FRMD3: variants seen among roughly 807,000 people sequenced by gnomAD.
The protein encoded by FRMD3 is FERM domain-containing protein 3.
A neutral mutation model predicts 70.2 loss-of-function variants in FRMD3; 33 were observed. That is an observed-to-expected ratio of 0.47 (90% confidence interval 0.36 to 0.63). The LOEUF is 0.63. Ranked by LOEUF, FRMD3 falls within the 20% of genes least tolerant of loss-of-function variation. The pLI is 0.00. For synonymous variants in FRMD3, 279 were observed against 255.9 expected (o/e 1.09, Z -0.86); for missense variants, 632 against 711.4 (o/e 0.89, Z 1.27).
rs1376219220 is a variant in FRMD3 at position 83,262,209 on chromosome 9, C to T, written c.1196-13693G>A. 2.0e-5 allele frequency among the ~76,000 whole-genome samples: 3 copies of T among 152,212 alleles called. No homozygotes were observed. In the East Asian group the frequency reaches 5.8e-4, roughly 29 times the overall value. On this transcript the variant is annotated intron_variant, in intron 13 of 13. Transcript: ENST00000304195. ...AGGCAACTGTACATAGGAACATCGACTTCAATACATCCAAACCCAAATGCA... is the reference window on the plus strand; with the variant it reads ...AGGCAACTGTACATAGGAACATCGATTTCAATACATCCAAACCCAAATGCA...
intron 2 of FRMD3, among the ~76,000 whole-genome samples, chr9:83,377,089 T>G (rs1825173315): frequency 6.6e-6 from 1 of 152,220 alleles, no homozygotes. Flanking sequence ...CTGTTAGGTA[T>G]TCTCCTGGCC....
intron 13 of FRMD3, among the ~76,000 whole-genome samples, chr9:83,263,270 C>A (rs917924307): frequency 1.3e-5 from 2 of 152,192 alleles, no homozygotes; most frequent in African/African-American, 4.8e-5. Flanking sequence ...ATTATTTAAA[C>A]CAGTGCTAAT....
At chr9:83,287,611 C>T (rs111616167) in intron 13 of FRMD3, among the ~76,000 whole-genome samples, 11 of 152,302 alleles carry the variant, frequency 7.2e-5, no homozygotes, top group Admixed American at 2.6e-4. Flanking sequence ...CCCCCAGAAC[C>T]CTCTTCCCTG....
intron 1 of FRMD3, among the ~76,000 whole-genome samples, chr9:83,434,817 TGC>T (rs1827086042): frequency 8.7e-5 from 8 of 91,696 alleles, no homozygotes; most frequent in South Asian, 3.9e-4. Flanking sequence ...CCCACCCCTC[TGC>T]TTTTTTTTTT....
chr9:83,305,005 T>TGC (rs1835070938), intron 10 of FRMD3, among the ~76,000 whole-genome samples: 1 of 152,196 alleles, frequency 6.6e-6, no homozygotes, highest in Non-Finnish European at 1.5e-5. Context: ...GCAGCGCATT[T>TGC]GCGTCCTAAA....
intron 13 of FRMD3, among the ~76,000 whole-genome samples, chr9:83,282,414 A>G (rs548020946): frequency 6.6e-6 from 1 of 152,290 alleles, no homozygotes; most frequent in South Asian, 2.1e-4. Flanking sequence ...GCCACAGGCT[A>G]TATATTGCTA....
chr9:83,313,163 G>A (rs1467593209), intron 7 of FRMD3, among the ~76,000 whole-genome samples: 1 of 152,172 alleles, frequency 6.6e-6, no homozygotes, highest in East Asian at 1.9e-4. Flanking sequence ...TAGTAGCTCT[G>A]GGGTGAGGTC....
chr9:83,522,542 A>G (rs964828743), intron 1 of FRMD3, among the ~76,000 whole-genome samples: 12 of 149,470 alleles, frequency 8.0e-5, no homozygotes, highest in Non-Finnish European at 1.6e-4. Flanking sequence ...GAAATAAACC[A>G]CAAATTTTAT....
chr9:83,542,737 T>TGGCAAAAGAATAAACAAATTGATCA (rs1830012708), upstream of FRMD3, among the ~76,000 whole-genome samples: 1 of 152,194 alleles, frequency 6.6e-6, no homozygotes, highest in Admixed American at 6.5e-5. Context: ...AGTATGGTAC[T>TGGCAAAAGAATAAACAAATTGATCA]GGCAAAAGAA....
chr9:83,490,547 G>A (rs1828793436), intron 1 of FRMD3, among the ~76,000 whole-genome samples: 1 of 152,086 alleles, frequency 6.6e-6, no homozygotes, highest in South Asian at 2.1e-4. Context: ...CTCCCAAAGT[G>A]CTGGGATTAC....
At chr9:83,557,352 G>C in the FRMD3 span, among the ~76,000 whole-genome samples, 1 of 152,058 alleles carries the variant, frequency 6.6e-6, no homozygotes, top group Non-Finnish European at 1.5e-5. Flanking sequence ...TTATGACATT[G>C]GTAACAACAA....
chr9:83,376,025 T>C (rs1825131856), intron 2 of FRMD3, among the ~76,000 whole-genome samples: 1 of 151,918 alleles, frequency 6.6e-6, no homozygotes, highest in African/African-American at 2.4e-5. Context: ...CCTGGCGTGG[T>C]GGCAGGTGCC....
chr9:83,398,431 C>T (rs527904022), intron 1 of FRMD3, among the ~76,000 whole-genome samples: 28 of 152,286 alleles, frequency 1.8e-4, no homozygotes, highest in Admixed American at 6.5e-4. Context: ...AGAGGAACCT[C>T]TCATGGTTGA....
chr9:83,310,849 G>T (rs1835325048), intron 8 of FRMD3, among the ~76,000 whole-genome samples: 2 of 152,134 alleles, frequency 1.3e-5, no homozygotes, highest in South Asian at 2.1e-4. Context: ...AATATTAATT[G>T]CCCAGCCCAC....
At chr9:83,488,303 A>C (rs769539782) in intron 1 of FRMD3, among the ~76,000 whole-genome samples, 2 of 152,234 alleles carry the variant, frequency 1.3e-5, no homozygotes, top group Non-Finnish European at 2.9e-5. Context: ...GAAGGACAAA[A>C]ATATAAGCAT....
chr9:83,519,093 A>G (rs1829516589), intron 1 of FRMD3, among the ~76,000 whole-genome samples: 1 of 152,256 alleles, frequency 6.6e-6, no homozygotes, highest in African/African-American at 2.4e-5. Context: ...CAAAGACTTC[A>G]TGACTAAAAC....
chr9:83,378,675 A>ATATATATAATTTATATAT (rs1271242413), intron 2 of FRMD3, among the ~76,000 whole-genome samples: 1 of 120,626 alleles, frequency 8.3e-6, no homozygotes, highest in African/African-American at 3.2e-5. Flanking sequence ...AATTTATATT[A>ATATATATAATTTATATAT]TATATATAAT....
At chr9:83,339,065 T>C (rs1387594550) in intron 5 of FRMD3, among the ~76,000 whole-genome samples, 1 of 151,652 alleles carries the variant, frequency 6.6e-6, no homozygotes, top group Admixed American at 6.6e-5. Context: ...GCTTGCAGAG[T>C]GGTTGGTGAG....
At chr9:83,516,550 T>G (rs1312776995) in intron 1 of FRMD3, among the ~76,000 whole-genome samples, 2 of 152,184 alleles carry the variant, frequency 1.3e-5, no homozygotes, top group African/African-American at 2.4e-5. Context: ...ACTGTCAATA[T>G]TCAACAGATC....
Sources: allele counts gnomAD v4.1 joint callset (sites outside exome capture counted in the v4.1 genomes callset), GRCh38; gene constraint gnomAD v4.1.1; transcripts MANE v1.5; gene names NCBI Gene and HGNC (gene_info 2026-07-23, HGNC 2026-07-21).